The following FAF1 variants were observed in gnomAD, a reference collection of about 807,000 sequenced individuals.
The protein encoded by FAF1 is FAS-associated factor 1.
In FAF1, 25 loss-of-function variants were observed where a neutral mutation model predicts 92.5. The observed-to-expected ratio is 0.27, with a 90% confidence interval of 0.20 to 0.38. FAF1 has a LOEUF of 0.38. Ranked by LOEUF, FAF1 falls within the 10% of genes least tolerant of loss-of-function variation. FAF1 has a pLI of 1.00. For synonymous variants in FAF1, 234 were observed against 273.2 expected (o/e 0.86, Z 1.42); for missense variants, 636 against 793.3 (o/e 0.80, Z 2.38).
intron 2 of FAF1, among the ~76,000 whole-genome samples, chr1:50,824,419 T>C (rs1478151267): frequency 6.6e-6 from 1 of 152,130 alleles, no homozygotes; most frequent in East Asian, 1.9e-4. Context: ...ATAATGTTAA[T>C]CCTTTTTCTC....
At chr1:50,467,934 C>T (rs750337012) in intron 18 of FAF1, among the ~76,000 whole-genome samples, 1 of 152,196 alleles carries the variant, frequency 6.6e-6, no homozygotes, top group Non-Finnish European at 1.5e-5. Flanking sequence ...TTGCACCAGG[C>T]ACAGTGGCTC....
At chr1:50,823,612 A>G (rs945919166) in intron 2 of FAF1, among the ~76,000 whole-genome samples, 1 of 152,156 alleles carries the variant, frequency 6.6e-6, no homozygotes, top group African/African-American at 2.4e-5. Flanking sequence ...TCCAAAGAAA[A>G]GAGAAAACTA....
chr1:50,643,756 C>T (rs1654453662), intron 8 of FAF1, among the ~76,000 whole-genome samples: 1 of 152,038 alleles, frequency 6.6e-6, no homozygotes, highest in Non-Finnish European at 1.5e-5. Context: ...CCATGCCTGG[C>T]TAATTTTTGT....
chr1:50,847,969 CT>C (rs1421636359), intron 2 of FAF1, among the ~76,000 whole-genome samples: 1 of 151,884 alleles, frequency 6.6e-6, no homozygotes, highest in Non-Finnish European at 1.5e-5. Flanking sequence ...TTAAAAAAGG[CT>C]GTCAACACAG....
At chr1:50,547,129 G>A (rs1212761367) in intron 13 of FAF1, among the ~76,000 whole-genome samples, 1 of 151,866 alleles carries the variant, frequency 6.6e-6, no homozygotes, top group Non-Finnish European at 1.5e-5. Context: ...ATGGGCTCAA[G>A]CAATCCACTG....
At chr1:50,454,808 ATTAT>A (rs766539947) in intron 18 of FAF1, among the ~76,000 whole-genome samples, 15 of 152,238 alleles carry the variant, frequency 9.9e-5, no homozygotes, top group Non-Finnish European at 2.2e-4. Flanking sequence ...GTGCCTTTTG[ATTAT>A]TTGTTTATGA....
intron 7 of FAF1, among the ~76,000 whole-genome samples, chr1:50,690,240 C>T (rs1274124439): frequency 6.6e-6 from 1 of 151,992 alleles, no homozygotes; most frequent in Admixed American, 6.5e-5. Flanking sequence ...CCCACCTCAG[C>T]CTCCCAAAGT....
At chr1:50,447,692 C>T (rs1291704422) in intron 18 of FAF1, among the ~76,000 whole-genome samples, 3 of 152,208 alleles carry the variant, frequency 2.0e-5, no homozygotes, top group Admixed American at 1.3e-4. Context: ...TCCAAAACCT[C>T]ATCCATCTCA....
At chr1:50,495,399 A>C (rs1646886669) in intron 15 of FAF1, among the ~76,000 whole-genome samples, 1 of 152,200 alleles carries the variant, frequency 6.6e-6, no homozygotes, top group Non-Finnish European at 1.5e-5. Flanking sequence ...CACTTAACAT[A>C]ATGGCCTCCA....
At chr1:50,652,612 A>G (rs1654916802) in intron 8 of FAF1, among the ~76,000 whole-genome samples, 1 of 152,148 alleles carries the variant, frequency 6.6e-6, no homozygotes, top group South Asian at 2.1e-4. Flanking sequence ...TATTATGAAA[A>G]TTTTCAAATA....
At chr1:50,783,005 G>T (rs1661234370) in intron 4 of FAF1, among the ~76,000 whole-genome samples, 1 of 151,166 alleles carries the variant, frequency 6.6e-6, no homozygotes, top group African/African-American at 2.4e-5. Flanking sequence ...GATCAACCAA[G>T]TTCATCAACC....
intron 18 of FAF1, among the ~76,000 whole-genome samples, chr1:50,455,881 A>T (rs1030029456): frequency 6.6e-6 from 1 of 151,974 alleles, no homozygotes; most frequent in African/African-American, 2.4e-5. Flanking sequence ...GAGACCAGCC[A>T]GGCCAACATG....
At position 50,465,971 on chromosome 1, in the gene FAF1, G is replaced by A. The variant is rs138754336; in HGVS notation, c.1869+9493C>T. 3.9e-5 allele frequency among the ~76,000 whole-genome samples: 6 copies of A among 152,238 alleles called. No individual in the cohort carries two copies. The East Asian group carries it at 9.7e-4, about 25-fold the overall frequency. ...AATGCCAGCAAGTTAGATCGAGAAA[G>A]GCCTTTCACTCTGAACTGATGGGGA... On this transcript the variant is annotated intron_variant, in intron 18 of 18. Coordinates refer to ENST00000396153, the MANE Select transcript of FAF1 (RefSeq NM_007051.3).
intron 4 of FAF1, among the ~76,000 whole-genome samples, chr1:50,786,364 A>G (rs1240744666): frequency 6.6e-6 from 1 of 152,216 alleles, no homozygotes; most frequent in Non-Finnish European, 1.5e-5. Flanking sequence ...ACAGCGGGCA[A>G]ATACTGCATT....
At chr1:50,678,543 G>A (rs1012850276) in intron 7 of FAF1, among the ~76,000 whole-genome samples, 11 of 152,036 alleles carry the variant, frequency 7.2e-5, no homozygotes, top group Non-Finnish European at 1.5e-4. Context: ...AGCACTTTGG[G>A]AGGCCAAGGT....
chr1:50,657,523 C>G (rs1655179229), intron 7 of FAF1, among the ~76,000 whole-genome samples: 1 of 152,116 alleles, frequency 6.6e-6, no homozygotes. Context: ...GACTGTGCCA[C>G]TGAACTCTGG....
chr1:50,955,355 A>AC (rs1481183344), intron 1 of FAF1, among the ~76,000 whole-genome samples: 1 of 152,118 alleles, frequency 6.6e-6, no homozygotes, highest in Non-Finnish European at 1.5e-5. Context: ...ATTCCTTTAC[A>AC]CCCCCTCCTG....
intron 4 of FAF1, among the ~76,000 whole-genome samples, chr1:50,778,830 AAC>A (rs1661055317): frequency 6.6e-6 from 1 of 150,678 alleles, no homozygotes; most frequent in African/African-American, 2.5e-5. Flanking sequence ...AAAAAAACAA[AAC>A]ACACAGACAC....
At chr1:50,666,675 A>C (rs1486742673) in intron 7 of FAF1, among the ~76,000 whole-genome samples, 1 of 152,076 alleles carries the variant, frequency 6.6e-6, no homozygotes, top group Non-Finnish European at 1.5e-5. Flanking sequence ...CTGAGGTCAG[A>C]AGTTTGAGAC....
Sources: gnomAD v4.1 joint callset for allele counts (sites outside exome capture counted in the v4.1 genomes callset) on GRCh38, gnomAD v4.1.1 for gene constraint, MANE v1.5 for transcripts, NCBI Gene and HGNC (gene_info 2026-07-23, HGNC 2026-07-21) for gene names.